Variants in DAB1 observed in about 807,000 individuals in gnomAD.
DAB1 encodes DAB adaptor protein 1, also known as disabled homolog 1.
A neutral mutation model predicts 64.6 loss-of-function variants in DAB1; 15 were observed. The observed-to-expected ratio is 0.23, with a 90% CI of 0.16 to 0.36. The LOEUF (loss-of-function observed/expected upper bound fraction) is 0.36, where lower values mean the gene tolerates loss of function less well. DAB1 is among the 10% of genes least tolerant of loss of function. The pLI, the probability that DAB1 is intolerant of heterozygous loss-of-function variation, is 1.00. For synonymous variants in DAB1, 235 were observed against 251.9 expected, an observed-to-expected ratio of 0.93 and a Z score of 0.64; for missense variants, 596 against 706.7, an observed-to-expected ratio of 0.84 and a Z score of 1.78.
At chr1:57,641,064 A>G (rs1646121658) in intron 7 of DAB1, among the ~76,000 whole-genome samples, 1 of 152,188 alleles carries the variant, frequency 6.6e-6, no homozygotes, top group African/African-American at 2.4e-5. Context: ...CACTCCTGGC[A>G]TTAGTGAGTT....
intron 4 of DAB1, among the ~76,000 whole-genome samples, chr1:57,104,806 G>T (rs1654993080): frequency 6.6e-6 from 1 of 152,166 alleles, no homozygotes; most frequent in Non-Finnish European, 1.5e-5. Flanking sequence ...GGGCTGGGGA[G>T]TGAGTGGGCA....
intron 4 of DAB1, among the ~76,000 whole-genome samples, chr1:58,295,510 G>A (rs575551430): frequency 3.9e-5 from 6 of 152,120 alleles, no homozygotes; most frequent in Non-Finnish European, 8.8e-5. Flanking sequence ...GTCCTCAACA[G>A]GGAGGCCTCT....
chr1:57,479,885 G>C (rs144596631), intron 7 of DAB1, among the ~76,000 whole-genome samples: 1,848 of 152,214 alleles, frequency 0.012, 15 homozygotes, highest in Admixed American at 0.021. Flanking sequence ...CGGGCGCGGT[G>C]GCTCATGCCT....
intron 7 of DAB1, among the ~76,000 whole-genome samples, chr1:57,611,545 T>C (rs1645726727): frequency 6.6e-6 from 1 of 152,216 alleles, no homozygotes; most frequent in Admixed American, 6.5e-5. Flanking sequence ...GCAGGACACC[T>C]ATCTCATAGT....
At chr1:58,544,902 T>C in intron 1 of DAB1, among the ~76,000 whole-genome samples, 1 of 152,188 alleles carries the variant, frequency 6.6e-6, no homozygotes, top group East Asian at 1.9e-4. Flanking sequence ...CCAGCCCAGC[T>C]AATTTTTTAA....
chr1:58,233,486 A>G (rs1659879881), intron 4 of DAB1, among the ~76,000 whole-genome samples: 2 of 152,132 alleles, frequency 1.3e-5, no homozygotes, highest in South Asian at 4.2e-4. Context: ...GCCTGAGGAA[A>G]CTGCCTGCAG....
chr1:57,353,186 T>G (rs1678741313), intron 1 of DAB1, among the ~76,000 whole-genome samples: 1 of 151,002 alleles, frequency 6.6e-6, no homozygotes, highest in South Asian at 2.1e-4. Context: ...GAAACCTGAC[T>G]AATACATAGC....
intron 3 of DAB1, among the ~76,000 whole-genome samples, chr1:58,458,021 G>A (rs1645208101): frequency 6.6e-6 from 1 of 152,192 alleles, no homozygotes; most frequent in African/African-American, 2.4e-5. Context: ...GTCAGGCACT[G>A]TACTAAGTGC....
chr1:57,994,973 C>T (rs542637554), intron 5 of DAB1, among the ~76,000 whole-genome samples: 4 of 152,206 alleles, frequency 2.6e-5, no homozygotes, highest in Admixed American at 2.0e-4. Flanking sequence ...TCAGAATTAC[C>T]GGAGCAGAGC....
chr1:57,915,119 C>A (rs1395426214), intron 5 of DAB1, among the ~76,000 whole-genome samples: 3 of 124,428 alleles, frequency 2.4e-5, no homozygotes, highest in Non-Finnish European at 3.3e-5. Flanking sequence ...AACAATGATT[C>A]TTTAAATCAT....
chr1:58,041,119 C>G (rs1647129160), intron 5 of DAB1, among the ~76,000 whole-genome samples: 1 of 152,228 alleles, frequency 6.6e-6, no homozygotes, highest in African/African-American at 2.4e-5. Flanking sequence ...CCAACTCCTT[C>G]TTAAGAGTTA....
At chr1:57,663,872 A>C (rs952400194) in intron 6 of DAB1, among the ~76,000 whole-genome samples, 1 of 152,208 alleles carries the variant, frequency 6.6e-6, no homozygotes, top group Non-Finnish European at 1.5e-5. Context: ...ACTTGTGTTC[A>C]GTTCTCTAAA....
rs186905957 is a variant in DAB1, at chr1:58,021,143, T to C, written n.387+129368A>G. Among the ~76,000 whole-genome samples, 34 of 152,364 alleles carry C rather than the reference T, an allele frequency of 2.2e-4. No homozygotes were observed. In the East Asian group the frequency reaches 6.6e-3, roughly 29 times the overall value. ...ATTTGAACTAGTGACCTGACTTCAA[T>C]GCAAATTCATAGCTTAAGGGCTTAG... On this transcript the variant is annotated intron_variant and non_coding_transcript_variant, in intron 5 of 20. Transcript: ENST00000485760.
At chr1:57,336,969 C>T (rs1460769746) in intron 1 of DAB1, among the ~76,000 whole-genome samples, 2 of 152,182 alleles carry the variant, frequency 1.3e-5, no homozygotes, top group Non-Finnish European at 2.9e-5. Context: ...TCCCCAACAT[C>T]AGCTCCTCTA....
intron 1 of DAB1, among the ~76,000 whole-genome samples, chr1:57,404,502 C>A (rs2101039762): frequency 6.6e-6 from 1 of 152,240 alleles, no homozygotes; most frequent in East Asian, 1.9e-4. Flanking sequence ...CTGGTCTGAC[C>A]TCAAACCCTA....
intron 2 of DAB1, among the ~76,000 whole-genome samples, chr1:57,208,565 A>C (rs534998291): frequency 6.6e-6 from 1 of 152,312 alleles, no homozygotes; most frequent in African/African-American, 2.4e-5. Context: ...CACTAAAACT[A>C]TCTGTACCTC....
At chr1:57,462,120 T>G (rs1012838541) in intron 7 of DAB1, among the ~76,000 whole-genome samples, 2 of 151,872 alleles carry the variant, frequency 1.3e-5, no homozygotes, top group Non-Finnish European at 2.9e-5. Flanking sequence ...GGCTAATTTT[T>G]GTATTTTTAG....
chr1:57,299,294 A>G (rs1025233274), intron 1 of DAB1, among the ~76,000 whole-genome samples: 1 of 152,256 alleles, frequency 6.6e-6, no homozygotes, highest in Non-Finnish European at 1.5e-5. Flanking sequence ...AAATGGAACA[A>G]TAATAGAATA....
chr1:57,888,587 G>A (rs1043052405), upstream of DAB1, among the ~76,000 whole-genome samples: 1 of 152,122 alleles, frequency 6.6e-6, no homozygotes, highest in Non-Finnish European at 1.5e-5. Context: ...CTTTTGGTGA[G>A]GGCGATTAAG....
Sources: gnomAD v4.1 joint callset for allele counts (sites outside exome capture counted in the v4.1 genomes callset) on GRCh38, gnomAD v4.1.1 for gene constraint, MANE v1.5 for transcripts, NCBI Gene and HGNC (gene_info 2026-07-23, HGNC 2026-07-21) for gene names.